The following SDK1 variants were observed in gnomAD, a reference collection of about 807,000 sequenced individuals.
SDK1 encodes the protein protein sidekick-1.
SDK1 carries 157 observed loss-of-function variants against 245.5 expected under a neutral mutation model. The ratio of observed to expected loss-of-function variants is 0.64; its 90% CI spans 0.56 to 0.73. The LOEUF (loss-of-function observed/expected upper bound fraction) is 0.73, where lower values mean the gene tolerates loss of function less well. Ranked by LOEUF, SDK1 falls within the 30% of genes least tolerant of loss-of-function variation. SDK1 has a pLI of 0.00. For synonymous variants in SDK1, 1,647 were observed against 1,278.5 expected (o/e 1.29, Z -6.15); for missense variants, 3,583 against 3,002.3 (o/e 1.19, Z -4.52).
chr7:3,633,518 G>C (rs1447734061), intron 2 of SDK1, among the ~76,000 whole-genome samples: 1 of 152,044 alleles, frequency 6.6e-6, no homozygotes, highest in African/African-American at 2.4e-5. Flanking sequence ...TCTTATAACA[G>C]GTAAATGTGT....
chr7:4,238,238 C>A (rs1281383280), intron 42 of SDK1, among the ~76,000 whole-genome samples: 2 of 152,062 alleles, frequency 1.3e-5, no homozygotes, highest in Non-Finnish European at 2.9e-5. Context: ...TGCCACTACG[C>A]CCGGCTAATT....
chr7:3,530,478 A>T (rs991110711), intron 1 of SDK1, among the ~76,000 whole-genome samples: 1 of 152,244 alleles, frequency 6.6e-6, no homozygotes, highest in Admixed American at 6.5e-5. Context: ...TACAGAAAAC[A>T]TCTACTGATA....
intron 1 of SDK1, among the ~76,000 whole-genome samples, chr7:3,443,298 C>A (rs78047253): frequency 1.3e-5 from 2 of 152,058 alleles, no homozygotes; most frequent in Non-Finnish European, 2.9e-5. Flanking sequence ...TTATGTTTGA[C>A]AATTTTAGAA....
chr7:3,973,380 T>C (rs892550697), intron 12 of SDK1, among the ~76,000 whole-genome samples: 1 of 152,246 alleles, frequency 6.6e-6, no homozygotes, highest in African/African-American at 2.4e-5. Flanking sequence ...AACAGCACTT[T>C]CATTCCATAT....
chr7:4,247,754 C>T (rs547606178), intron 44 of SDK1, among the ~76,000 whole-genome samples: 1 of 152,334 alleles, frequency 6.6e-6, no homozygotes, highest in African/African-American at 2.4e-5. Flanking sequence ...TCCTCTGCTG[C>T]CCACCCCAGC....
intron 5 of SDK1, among the ~76,000 whole-genome samples, chr7:3,946,154 A>C (rs1223141737): frequency 1.3e-5 from 2 of 148,242 alleles, no homozygotes; most frequent in Non-Finnish European, 3.0e-5. Flanking sequence ...CAATGTATAA[A>C]CCCCCCTACA....
At chr7:3,918,409 A>G (rs1003451888) in intron 5 of SDK1, among the ~76,000 whole-genome samples, 3 of 152,130 alleles carry the variant, frequency 2.0e-5, no homozygotes, top group South Asian at 2.1e-4. Context: ...CACGAACCCT[A>G]TTGTGAGCTG....
chr7:3,593,530 A>C (rs1049267800), intron 1 of SDK1, among the ~76,000 whole-genome samples: 41 of 152,192 alleles, frequency 2.7e-4, no homozygotes, highest in Non-Finnish European at 1.5e-4. Flanking sequence ...ACAGCTTCTC[A>C]AGATGTTTGT....
intron 14 of SDK1, among the ~76,000 whole-genome samples, chr7:3,987,914 C>CCCACTCA (rs1185432542): frequency 1.3e-5 from 2 of 152,218 alleles, no homozygotes; most frequent in East Asian, 3.9e-4. Flanking sequence ...GCCGTGTGCA[C>CCCACTCA]CCACTCACGC....
At chr7:3,570,749 C>G (rs35842450) in intron 1 of SDK1, among the ~76,000 whole-genome samples, 2,558 of 152,290 alleles carry the variant, frequency 0.017, 47 homozygotes, top group Non-Finnish European at 0.021. Context: ...ATTTACTGCA[C>G]TGATGGGTCC....
At chr7:4,247,001 G>A (rs1786911715) in intron 44 of SDK1, among the ~76,000 whole-genome samples, 1 of 152,214 alleles carries the variant, frequency 6.6e-6, no homozygotes, top group Admixed American at 6.5e-5. Flanking sequence ...AGCAAAAGCA[G>A]CAGAAGCAGC....
chr7:4,056,851 T>C (rs564867028), intron 19 of SDK1, among the ~76,000 whole-genome samples: 7 of 142,076 alleles, frequency 4.9e-5, no homozygotes, highest in East Asian at 1.9e-4. Context: ...CAGACCATTC[T>C]GCTCCGGGTC....
rs1336437824 is a variant in SDK1, at chr7:3,486,259, GGTT to G, written c.299-132817_299-132815del. On this transcript the variant is annotated intron_variant, in intron 1 of 44. Transcript: ENST00000404826. ...TAAATTTTAAATCTTTAATATCTGA[GGTT>G]GTTTTCTTTTCCATTTCTATTGTAC... Among the ~76,000 whole-genome samples, 8 of 142,330 alleles carry G rather than the reference GGTT, an allele frequency of 5.6e-5. No individual in the cohort carries two copies. The East Asian group carries it at 1.4e-3, about 24-fold the overall frequency. The allele number at this position is 142,330 out of a possible 152,430, so 93.4% of individuals were successfully genotyped here.
intron 25 of SDK1, among the ~76,000 whole-genome samples, chr7:4,123,351 C>T (rs1332035605): frequency 6.6e-6 from 1 of 151,880 alleles, no homozygotes; most frequent in Non-Finnish European, 1.5e-5. Context: ...TGTTAGTGCC[C>T]CCTTTAGCTC....
chr7:3,833,267 C>T (rs923772950), intron 5 of SDK1, among the ~76,000 whole-genome samples: 1 of 152,056 alleles, frequency 6.6e-6, no homozygotes, highest in African/African-American at 2.4e-5. Context: ...TCCGGCTGGC[C>T]CCGTGCGGTA....
chr7:3,809,404 A>C (rs1168543872), intron 4 of SDK1, among the ~76,000 whole-genome samples: 2 of 152,176 alleles, frequency 1.3e-5, no homozygotes, highest in Non-Finnish European at 2.9e-5. Flanking sequence ...GATGGAACAC[A>C]GATCCAGACC....
intron 1 of SDK1, among the ~76,000 whole-genome samples, chr7:3,471,528 A>T (rs1218357544): frequency 6.6e-6 from 1 of 152,190 alleles, no homozygotes; most frequent in African/African-American, 2.4e-5. Context: ...AAAGTTAGCA[A>T]TATGAGCCGT....
At chr7:3,516,240 A>T (rs192448405) in intron 1 of SDK1, among the ~76,000 whole-genome samples, 289 of 151,870 alleles carry the variant, frequency 1.9e-3, no homozygotes, top group Non-Finnish European at 3.2e-3. Context: ...TATGTGATAT[A>T]TACATAGTAT....
Position 3,958,943 on chromosome 7 carries a change from T to G in SDK1, c.1163T>G (p.Phe388Cys), listed in dbSNP as rs1295673343. The G allele has an allele frequency of 2.5e-6, 4 of 1,613,960 alleles. No individual in the cohort carries two copies. Among genetic ancestry groups the G allele is most frequent in the Non-Finnish European group, 1.7e-6 (2 of 1,179,846 alleles). Residue 388 changes from phenylalanine to cysteine, a missense_variant, in exon 8 of 45, where the codon TTT becomes TGT. Physicochemically the swap from Phe to Cys is radical, Grantham distance 205. Transcript: ENST00000404826. ...AFLFIIEPPY[F>C]TAEPESRISA... ...TTCTTGTTTGAAGAGCCACCATATTTTACTGCTGAGCCCGAGAGTCGGATT... is the reference window on the plus strand; with the variant it reads ...TTCTTGTTTGAAGAGCCACCATATTGTACTGCTGAGCCCGAGAGTCGGATT...
Sources: allele counts gnomAD v4.1 joint callset (sites outside exome capture counted in the v4.1 genomes callset), GRCh38; gene constraint gnomAD v4.1.1; transcripts MANE v1.5; gene names NCBI Gene and HGNC (gene_info 2026-07-23, HGNC 2026-07-21).